Variants in MRPS22 observed in about 807,000 individuals in gnomAD.
The protein encoded by MRPS22 is small ribosomal subunit protein mS22.
A neutral mutation model predicts 44.0 loss-of-function variants in MRPS22; 30 were observed. The observed-to-expected ratio is 0.68, with a 90% CI of 0.51 to 0.93. The LOEUF (loss-of-function observed/expected upper bound fraction) is 0.93, where lower values mean the gene tolerates loss of function less well. Ranked by LOEUF, MRPS22 falls within the 40% of genes least tolerant of loss-of-function variation. The pLI is 0.00. For missense variants in MRPS22, 447 were observed against 447.8 expected (o/e 1.00, Z 0.02); for synonymous variants, 165 against 154.4 (o/e 1.07, Z -0.51).
chr3:139,350,379 C>G, intron 4 of MRPS22, 57 bp downstream of exon 4: 1 of 1,591,640 alleles, frequency 6.3e-7, no homozygotes. Context: ...ATTTGTAGAA[C>G]CAGTTGGCTT....
At chr3:139,347,088 G>T (rs1246912157) in intron 2 of MRPS22, 44 bp downstream of exon 2, 2 of 1,607,802 alleles carry the variant, frequency 1.2e-6, no homozygotes, top group Non-Finnish European at 1.7e-6. Flanking sequence ...TTCTTTAAGG[G>T]TTTAAACAAC....
In MRPS22 at chr3:139,350,253, A is replaced by T. The variant is rs748386059; in HGVS notation, c.579A>T (p.Ile193=). ...CTTGGGAAGAACGGGACCGAATGAT[A>T]CAAGTTTATTTCCCAAAAGAAGGTC... ...KASWEERDRM[I]QVYFPKEGRK... The change falls in exon 4 of 8, where the codon ATA becomes ATT. Residue 193 remains isoleucine, a synonymous_variant. Coordinates refer to ENST00000680020, the MANE Select transcript of MRPS22 (RefSeq NM_020191.4). 1.9e-6 allele frequency: 3 copies of T among 1,614,182 alleles called. No homozygotes were observed. The highest frequency in any genetic ancestry group is 3.3e-5 in the Admixed American group (2 of 60,028).
chr3:139,351,377 A>G, intron 5 of MRPS22: 1 of 366,946 alleles, frequency 2.7e-6, no homozygotes, highest in Non-Finnish European at 5.3e-6. Context: ...GAATCAAATT[A>G]TTTACTAAAA....
At chr3:139,345,728 T>C (rs1941029522) in intron 1 of MRPS22, among the ~76,000 whole-genome samples, 1 of 152,174 alleles carries the variant, frequency 6.6e-6, no homozygotes, top group Non-Finnish European at 1.5e-5. Flanking sequence ...TACTGGATGA[T>C]GCTGAGATAG....
chr3:139,347,203 G>GA (rs576725232), intron 2 of MRPS22, among the ~76,000 whole-genome samples, 159 bp downstream of exon 2: 23 of 152,334 alleles, frequency 1.5e-4, no homozygotes, highest in African/African-American at 5.1e-4. Flanking sequence ...TAGGCTGCCA[G>GA]AGAGGGGCAG....
chr3:139,350,936 C>T lies in MRPS22; in HGVS notation c.649-41C>T, dbSNP rs377735324. On this transcript the variant is annotated intron_variant, in intron 4 of 7. Coordinates refer to ENST00000680020, the MANE Select transcript of MRPS22 (RefSeq NM_020191.4). ...TGACATCAGGACAGGTGCTGAACTT[C>T]AGTGTTCTCATGTGATGCTAACTCT... 28 of 1,538,320 alleles carry T rather than the reference C, an allele frequency of 1.8e-5. No individual in the cohort carries two copies. In the African/African-American group the frequency reaches 3.3e-4, roughly 18 times the overall value.
chr3:139,355,580 A>G, intron 6 of MRPS22, 102 bp from the exon 7 acceptor site: 1 of 936,218 alleles, frequency 1.1e-6, no homozygotes, highest in Non-Finnish European at 1.7e-6. Flanking sequence ...AGCCTGAGGA[A>G]AGTCTGAAAT....
intron 1 of MRPS22, chr3:139,344,784 C>CTT: frequency 1.6e-6 from 1 of 628,726 alleles, no homozygotes; most frequent in Non-Finnish European, 2.8e-6. Context: ...AAGATTGTTT[C>CTT]TTAAGTTTTT....
At chr3:139,350,758 T>C in intron 4 of MRPS22, 1 of 573,456 alleles carries the variant, frequency 1.7e-6, no homozygotes, top group East Asian at 3.1e-5. Flanking sequence ...AATAGAATCC[T>C]CCTTACCACC....
chr3:139,345,498 A>G (rs62270792), intron 1 of MRPS22, among the ~76,000 whole-genome samples: 56,273 of 136,610 alleles, frequency 0.41, 13,535 homozygotes, highest in Middle Eastern at 0.57. Context: ...TGTTTACCTC[A>G]TGGGTTGTTG....
At chr3:139,355,968 AG>A (rs1276373063) in intron 7 of MRPS22, among the ~76,000 whole-genome samples, 178 bp downstream of exon 7, 4 of 152,216 alleles carry the variant, frequency 2.6e-5, no homozygotes, top group African/African-American at 9.6e-5. Context: ...AGAAACAGAC[AG>A]GGGAGGGGGG....
chr3:139,344,219 TC>T, intron 1 of MRPS22, 21 bp downstream of exon 1: 1 of 1,588,206 alleles, frequency 6.3e-7, no homozygotes, highest in East Asian at 2.3e-5. Flanking sequence ...TTCCGGACTT[TC>T]GCTGGGGCGT....
intron 5 of MRPS22, 199 bp downstream of exon 5, chr3:139,351,259 A>C (rs1459308131): frequency 1.9e-5 from 11 of 581,230 alleles, no homozygotes; most frequent in Non-Finnish European, 3.4e-5. Context: ...GAGGGAATTT[A>C]AGCTTGTAGA....
intron 4 of MRPS22, 197 bp from the exon 5 acceptor site, chr3:139,350,780 G>C (rs1941135742): frequency 1.6e-6 from 1 of 632,580 alleles, no homozygotes; most frequent in Admixed American, 2.2e-5. Flanking sequence ...AAGATGGGTT[G>C]TACTAGGGTT....
chr3:139,350,852 T>G (rs968295665), intron 4 of MRPS22, 125 bp from the exon 5 acceptor site: 1 of 783,688 alleles, frequency 1.3e-6, no homozygotes, highest in Non-Finnish European at 2.3e-6. Context: ...GCCTGTGTTC[T>G]TTCTTTATGC....
chr3:139,356,645 G>A (rs532691290), intron 7 of MRPS22, among the ~76,000 whole-genome samples: 9 of 152,254 alleles, frequency 5.9e-5, no homozygotes, highest in East Asian at 3.9e-4. Flanking sequence ...TTTTGATCTC[G>A]AAGGAAGTAT....
chr3:139,355,925 G>A (rs1281826783), intron 7 of MRPS22, 135 bp downstream of exon 7: 1 of 737,150 alleles, frequency 1.4e-6, no homozygotes, highest in Non-Finnish European at 2.4e-6. Flanking sequence ...ACATCAGTAT[G>A]ATTTGTCCCC....
At chr3:139,350,087 T>C in intron 3 of MRPS22, 92 bp from the exon 4 acceptor site, 1 of 1,452,498 alleles carries the variant, frequency 6.9e-7, no homozygotes, top group Non-Finnish European at 9.6e-7. Context: ...ATATTGTTGA[T>C]TGCAAATTAT....
intron 7 of MRPS22, 115 bp from the exon 8 acceptor site, chr3:139,356,804 C>T: frequency 1.4e-6 from 1 of 736,676 alleles, no homozygotes; most frequent in Non-Finnish European, 2.3e-6. Context: ...TCTGAAAGCC[C>T]TTTTTAAGTA....
Sources: allele counts gnomAD v4.1 joint callset (sites outside exome capture counted in the v4.1 genomes callset), GRCh38; gene constraint gnomAD v4.1.1; transcripts MANE v1.5; gene names NCBI Gene and HGNC (gene_info 2026-07-23, HGNC 2026-07-21).